Variants in BCLAF3 observed in about 807,000 individuals in gnomAD.
BCLAF3 encodes the protein transient octamer binding factor 1.
A neutral mutation model predicts 51.2 loss-of-function variants in BCLAF3; 24 were observed. The ratio of observed to expected loss-of-function variants is 0.47; its 90% CI spans 0.34 to 0.66. The LOEUF is 0.66. Among genes scored for constraint, BCLAF3 ranks in the 30% least tolerant of loss-of-function variants. The pLI is 0.01. For synonymous variants in BCLAF3, 152 were observed against 176.6 expected (o/e 0.86, Z 1.10); for missense variants, 465 against 525.1 (o/e 0.89, Z 1.12).
intron 1 of BCLAF3, among the ~76,000 whole-genome samples, chrX:19,972,160 T>C (rs745796903): frequency 6.2e-5 from 7 of 112,377 alleles, no homozygotes; most frequent in Non-Finnish European, 1.1e-4. Context: ...GGAAAAAATG[T>C]TTACTTAGTA....
rs960056880 is a variant in BCLAF3 at position 19,917,053 on chromosome X, C to T, written c.*252G>A. ...GAGAAAAATGCATCAACAAATAATG[C>T]CCTTCAAGTGATTCTTTTGAGACTT... On this transcript the variant is annotated 3_prime_UTR_variant, in exon 12 of 12. Transcript: ENST00000379682. 5 of 355,944 alleles carry T rather than the reference C, an allele frequency of 1.4e-5. No homozygotes were observed. Among genetic ancestry groups the T allele is most frequent in the Non-Finnish European group, 2.4e-5 (5 of 208,855 alleles). 29.3% of individuals were successfully genotyped at this position (355,944 alleles called of 1,213,427 possible). A position where few individuals can be genotyped will look rare whatever the true frequency, so the allele number is the denominator to read the frequency against.
At chrX:19,970,075 T>A (rs746058154) in intron 2 of BCLAF3, 149 bp downstream of exon 2, 75 of 501,135 alleles carry the variant, frequency 1.5e-4, no homozygotes, top group Admixed American at 3.2e-4. Context: ...AGCTGTCAGC[T>A]ACTAGAATGT....
chrX:19,950,915 G>T, intron 7 of BCLAF3, 47 bp from the exon 8 acceptor site: 1 of 882,080 alleles, frequency 1.1e-6, no homozygotes, highest in Non-Finnish European at 1.7e-6. Flanking sequence ...ACTTTTAGTT[G>T]CACAAAGACC....
intron 8 of BCLAF3, among the ~76,000 whole-genome samples, chrX:19,941,092 T>C (rs1238166407): frequency 9.0e-6 from 1 of 110,623 alleles, no homozygotes; most frequent in Non-Finnish European, 1.9e-5. Flanking sequence ...TCTATTCATG[T>C]CCTTTGCCCA....
chrX:19,961,605 T>A (rs1288438746), intron 4 of BCLAF3, among the ~76,000 whole-genome samples: 1 of 112,165 alleles, frequency 8.9e-6, no homozygotes, highest in Non-Finnish European at 1.9e-5. Flanking sequence ...GAAAAAAAAA[T>A]CTAATTTATT....
At chrX:19,946,739 A>G (rs2071316709) in intron 8 of BCLAF3, among the ~76,000 whole-genome samples, 1 of 111,059 alleles carries the variant, frequency 9.0e-6, no homozygotes, top group Admixed American at 9.6e-5. Flanking sequence ...CCCCCTTTCT[A>G]TTCCTTAAAC....
At chrX:19,952,601 T>C (rs1382249333) in intron 7 of BCLAF3, among the ~76,000 whole-genome samples, 1 of 111,836 alleles carries the variant, frequency 8.9e-6, no homozygotes, top group Non-Finnish European at 1.9e-5. Context: ...AAATTTTTCG[T>C]TCCTGTGCAT....
intron 11 of BCLAF3, among the ~76,000 whole-genome samples, chrX:19,925,426 T>C (rs556612481): frequency 1.8e-5 from 2 of 111,082 alleles, no homozygotes; most frequent in Non-Finnish European, 3.8e-5. Flanking sequence ...TGGGAATAAA[T>C]AGGTTCATAT....
intron 8 of BCLAF3, among the ~76,000 whole-genome samples, chrX:19,940,591 A>C (rs372561444): frequency 9.1e-6 from 1 of 110,363 alleles, no homozygotes; most frequent in East Asian, 2.8e-4. Flanking sequence ...CCCTACAAAG[A>C]ACATGAACTC....
intron 8 of BCLAF3, among the ~76,000 whole-genome samples, chrX:19,947,799 A>G (rs2071359810): frequency 1.8e-5 from 2 of 112,511 alleles, no homozygotes; most frequent in Non-Finnish European, 3.8e-5. Flanking sequence ...ACACAGACAG[A>G]AAGGCTGCAT....
chrX:19,982,695 T>C (rs922604977), intron 1 of BCLAF3, among the ~76,000 whole-genome samples: 1 of 109,867 alleles, frequency 9.1e-6, no homozygotes, highest in Admixed American at 9.8e-5. Flanking sequence ...CCTTCCTAAA[T>C]ACACCCCCAC....
rs199523611 is a variant in BCLAF3 at position 19,965,367 on chromosome X, A to T, written c.951T>A (p.Pro317=). ...EDRKYSFQKG[P]LNRELDCFNT... ...TAAAACAATCTAACTCTCTATTTAG[A>T]GGGCCTTTTTGAAAACTATATTTTC... The change falls in exon 4 of 12, where the codon CCT becomes CCA. Residue 317 remains proline, a synonymous_variant. Transcript: ENST00000379682. 8.3e-7 allele frequency: 1 copy of T among 1,209,479 alleles called. No individual in the cohort carries two copies. Among genetic ancestry groups the T allele is most frequent in the East Asian group, 3.0e-5 (1 of 33,785 alleles).
intron 6 of BCLAF3, among the ~76,000 whole-genome samples, 176 bp from the exon 7 acceptor site, chrX:19,953,227 G>A (rs1225394871): frequency 9.0e-6 from 1 of 111,587 alleles, no homozygotes; most frequent in African/African-American, 3.3e-5. Flanking sequence ...TACATATCCT[G>A]TGGAACACAC....
Position 19,965,192 on chromosome X carries a change from CTTT to C in BCLAF3, c.1123_1125del (p.Lys375del). 1 of 1,205,290 alleles carries C rather than the reference CTTT, an allele frequency of 8.3e-7. No homozygotes were observed. The highest frequency in any genetic ancestry group is 1.1e-6 in the Non-Finnish European group (1 of 894,039). On this transcript the variant is annotated inframe_deletion, in exon 4 of 12. Coordinates refer to ENST00000379682, the MANE Select transcript of BCLAF3 (RefSeq NM_001367774.2). Reference sequence around the variant, plus strand: ...TTGCTCTCTTTTCTACAATCCCCTTCTTTCTTTATTTTTTCCTTCCATTTGTCA... The same window carrying C: ...TTGCTCTCTTTTCTACAATCCCCTTCCTTTATTTTTTCCTTCCATTTGTCA...
At chrX:19,943,507 A>T (rs1242063709) in intron 8 of BCLAF3, among the ~76,000 whole-genome samples, 16 of 60,715 alleles carry the variant, frequency 2.6e-4, no homozygotes, top group Non-Finnish European at 4.4e-4. Flanking sequence ...GAACATCTTT[A>T]TTTCTGCCTT....
intron 3 of BCLAF3, 75 bp from the exon 4 acceptor site, chrX:19,965,781 C>A (rs1241062961): frequency 2.0e-6 from 2 of 992,934 alleles, no homozygotes; most frequent in Non-Finnish European, 2.7e-6. Context: ...GAATGTCGGG[C>A]AGCATGGCTT....
rs1406218147 is a variant in BCLAF3 at position 19,915,138 on chromosome X, T to C, written c.*2167A>G. On this transcript the variant is annotated 3_prime_UTR_variant, in exon 12 of 12. Coordinates refer to ENST00000379682, the MANE Select transcript of BCLAF3 (RefSeq NM_001367774.2). ...AAAAAAAACTTCTCTTCTCAAGTCTTATGCATTCAAGAAGTCAAATTCTTT... is the reference window on the plus strand; with the variant it reads ...AAAAAAAACTTCTCTTCTCAAGTCTCATGCATTCAAGAAGTCAAATTCTTT... 9.0e-6 allele frequency: 1 copy of C among 111,550 alleles called. No homozygotes were observed. Among genetic ancestry groups the C allele is most frequent in the Non-Finnish European group, 1.9e-5 (1 of 53,096 alleles). The allele number at this position is 111,550 out of a possible 1,213,427, so 9.2% of individuals were successfully genotyped here.
Position 19,929,826 on chromosome X carries a change from TA to T in BCLAF3, c.2064del (p.Phe688LeufsTer10). The T allele has an allele frequency of 8.3e-7, 1 of 1,209,590 alleles. No homozygotes were observed. On this transcript the variant is annotated frameshift_variant, in exon 11 of 12. Transcript: ENST00000379682. LOFTEE classifies it high-confidence loss of function. ...AATCTTTCTCTGAACTTATGAGTGATAAATCCCCTTGGGCCAGTGAACCGTA... is the reference window on the plus strand; with the variant it reads ...AATCTTTCTCTGAACTTATGAGTGATAATCCCCTTGGGCCAGTGAACCGTA... ...QRLRFTGPRG[F>X]ITHKFRERLM...
intron 2 of BCLAF3, 95 bp downstream of exon 2, chrX:19,970,129 C>A (rs2072207962): frequency 2.9e-6 from 2 of 700,600 alleles, no homozygotes; most frequent in African/African-American, 4.2e-5. Context: ...CTGTGAATAA[C>A]CAGGTCCCAT....
Sources: allele counts gnomAD v4.1 joint callset (sites outside exome capture counted in the v4.1 genomes callset), GRCh38; gene constraint gnomAD v4.1.1; transcripts MANE v1.5; gene names NCBI Gene and HGNC (gene_info 2026-07-23, HGNC 2026-07-21).